Variants in CFAP43 observed in about 807,000 individuals in gnomAD.
CFAP43 encodes the protein cilia and flagella associated protein 43, also known as cilia- and flagella-associated protein 43.
CFAP43 carries 155 observed loss-of-function variants against 218.9 expected under a neutral mutation model. The ratio of observed to expected loss-of-function variants is 0.71; its 90% confidence interval spans 0.62 to 0.81. The LOEUF is 0.81. CFAP43 is among the 30% of genes least tolerant of loss of function. CFAP43 has a pLI of 0.00. For synonymous variants in CFAP43, 645 were observed against 681.3 expected, an observed-to-expected ratio of 0.95 and a Z score of 0.83; for missense variants, 1,778 against 1,954.3, an observed-to-expected ratio of 0.91 and a Z score of 1.70.
chr10:104,136,761 A>G (rs186925885), intron 34 of CFAP43, among the ~76,000 whole-genome samples: 123 of 152,330 alleles, frequency 8.1e-4, no homozygotes, highest in Non-Finnish European at 1.4e-3. Flanking sequence ...CAGAACATAT[A>G]AAAAACTCCT....
At chr10:104,167,501 T>A (rs943011777) in intron 22 of CFAP43, 120 bp downstream of exon 22, 13 of 641,574 alleles carry the variant, frequency 2.0e-5, no homozygotes, top group Middle Eastern at 4.4e-4. Flanking sequence ...TAACAAGAAA[T>A]AAAAATATAA....
intron 29 of CFAP43, 49 bp downstream of exon 29, chr10:104,147,842 C>A (rs112588117): frequency 1.5e-6 from 2 of 1,315,510 alleles, no homozygotes; most frequent in Admixed American, 2.1e-5. Context: ...AAATGAGGGG[C>A]ATGTCTATCA....
At chr10:104,186,144 C>T (rs764162777) in intron 14 of CFAP43, 21 bp from the exon 15 acceptor site, 2 of 1,462,712 alleles carry the variant, frequency 1.4e-6, no homozygotes, top group South Asian at 1.6e-5. Flanking sequence ...AAGAAAATAA[C>T]CACATTATAG....
In CFAP43 at chr10:104,180,393, G is replaced by A. The variant is rs2089788651; in HGVS notation, c.2290-461C>T. 5.3e-5 allele frequency among the ~76,000 whole-genome samples: 8 copies of A among 151,316 alleles called. No individual in the cohort carries two copies. The South Asian group carries it at 1.5e-3, about 28-fold the overall frequency. On this transcript the variant is annotated intron_variant, in intron 17 of 37. Coordinates refer to ENST00000357060, the MANE Select transcript of CFAP43 (RefSeq NM_025145.7). Reference sequence around the variant, plus strand: ...CATGCTCTACTATCTCCTGTCTTAGGAAAACTACTCTCACTTGACCATCAC... The same window carrying A: ...CATGCTCTACTATCTCCTGTCTTAGAAAAACTACTCTCACTTGACCATCAC...
chr10:104,221,633 G>A (rs2091184474), intron 3 of CFAP43, among the ~76,000 whole-genome samples: 1 of 152,184 alleles, frequency 6.6e-6, no homozygotes, highest in Non-Finnish European at 1.5e-5. Flanking sequence ...CAGTCTATGG[G>A]ATTTTGTGAC....
In CFAP43 at chr10:104,232,308, A is replaced by C; in HGVS notation, c.-62T>G. On this transcript the variant is annotated 5_prime_UTR_variant, in exon 1 of 38. Coordinates refer to ENST00000357060, the MANE Select transcript of CFAP43 (RefSeq NM_025145.7). ...CGCAGCACCCCAGGGCGGGTCGGTT[A>C]CCTTTCCGCCGCCGCGGGGCTGCGG... is the stretch of plus-strand genomic sequence containing the variant. The C allele has an allele frequency of 6.8e-7, 1 of 1,465,104 alleles. No homozygotes were observed. The highest frequency in any genetic ancestry group is 2.5e-5 in the East Asian group (1 of 39,642). The allele number at this position is 1,465,104 out of a possible 1,614,324, so 90.8% of individuals were successfully genotyped here. A position where few individuals can be genotyped will look rare whatever the true frequency, so the allele number is the denominator to read the frequency against.
At chr10:104,187,524 T>G in intron 13 of CFAP43, 32 bp from the exon 14 acceptor site, 1 of 1,476,970 alleles carries the variant, frequency 6.8e-7, no homozygotes, top group Non-Finnish European at 9.0e-7. Flanking sequence ...GAGAAATCAC[T>G]TGTACCATAA....
intron 35 of CFAP43, chr10:104,132,887 C>T (rs1455940834): frequency 1.3e-6 from 1 of 761,410 alleles, no homozygotes; most frequent in Non-Finnish European, 1.6e-6. Flanking sequence ...AAAATGATCA[C>T]ATAGATATGA....
chr10:104,226,005 C>G (rs1345618048), intron 2 of CFAP43, among the ~76,000 whole-genome samples: 1 of 152,196 alleles, frequency 6.6e-6, no homozygotes, highest in Non-Finnish European at 1.5e-5. Flanking sequence ...TAATATCTGC[C>G]AGCTTTTGGA....
Position 104,168,972 on chromosome 10 carries a change from C to T in CFAP43, c.2587-124G>A, listed in dbSNP as rs2089295251. ...CTTCAGTGGTAGAGTTTGTCTTTCT[C>T]CAACACTTTGAGCCACCTTGCACTG... is the stretch of plus-strand genomic sequence containing the variant. On this transcript the variant is annotated intron_variant, in intron 20 of 37. Transcript: ENST00000357060. 4.0e-6 allele frequency: 3 copies of T among 754,926 alleles called. No individual in the cohort carries two copies. The African/African-American group carries it at 5.2e-5, about 13-fold the overall frequency. The allele number at this position is 754,926 out of a possible 1,614,324, so 46.8% of individuals were successfully genotyped here.
At position 104,131,461 on chromosome 10, in the gene CFAP43, G is replaced by A; in HGVS notation, c.4701C>T (p.Asn1567=). ...CAAGTTTTTTGAGTAGTTTCTTGCA[G>A]TTTTCCACATTCTTTTTGTGCATCT... The part of the protein sequence containing the change: ...LDKMHKKNVE[N]CKKLLKKLGK... Residue 1567 remains asparagine (N), a synonymous_variant, in exon 37 of 38, where the codon AAC becomes AAT. Coordinates refer to ENST00000357060, the MANE Select transcript of CFAP43 (RefSeq NM_025145.7). 6.2e-7 allele frequency: 1 copy of A among 1,610,930 alleles called. No individual in the cohort carries two copies. The highest frequency in any genetic ancestry group is 8.5e-7 in the Non-Finnish European group (1 of 1,179,266).
chr10:104,163,946 G>T, intron 24 of CFAP43, 148 bp downstream of exon 24: 1 of 725,000 alleles, frequency 1.4e-6, no homozygotes, highest in Non-Finnish European at 2.2e-6. Context: ...TCTCATCATT[G>T]CTGAGGCTAC....
chr10:104,135,874 A>C (rs1169569130), intron 34 of CFAP43, among the ~76,000 whole-genome samples: 4 of 152,160 alleles, frequency 2.6e-5, no homozygotes, highest in African/African-American at 7.2e-5. Context: ...ATTCATATGA[A>C]GCTGCAAAGG....
chr10:104,146,225 C>T, intron 30 of CFAP43, 38 bp downstream of exon 30: 1 of 1,535,304 alleles, frequency 6.5e-7, no homozygotes, highest in Non-Finnish European at 9.0e-7. Flanking sequence ...AGCAACAACT[C>T]TACTGCATTG....
chr10:104,218,347 CAAAAAAA>C (rs68078522), intron 3 of CFAP43, among the ~76,000 whole-genome samples: 5 of 98,708 alleles, frequency 5.1e-5, no homozygotes, highest in East Asian at 3.8e-4. Context: ...GACTGTGTCT[CAAAAAAA>C]AAAAAAAAAA....
chr10:104,166,411 G>C (rs573750309), intron 23 of CFAP43, 77 bp downstream of exon 23: 6 of 1,017,578 alleles, frequency 5.9e-6, no homozygotes, highest in Non-Finnish European at 8.6e-6. Flanking sequence ...ATTGGCATTT[G>C]TTTTCAATGT....
intron 32 of CFAP43, 57 bp from the exon 33 acceptor site, chr10:104,142,450 C>G: frequency 1.5e-6 from 2 of 1,322,736 alleles, no homozygotes; most frequent in Non-Finnish European, 2.1e-6. Context: ...TTTTAGACAA[C>G]ATACATCTTT....
chr10:104,209,616 C>T (rs1009945062), intron 5 of CFAP43, among the ~76,000 whole-genome samples: 2 of 152,134 alleles, frequency 1.3e-5, no homozygotes, highest in African/African-American at 4.8e-5. Flanking sequence ...ATGCAGAGTT[C>T]GTTATGTTTG....
rs900143573 is a variant in CFAP43, at chr10:104,129,938, T to C, written c.*201A>G. 4.0e-6 allele frequency: 2 copies of C among 497,322 alleles called. No homozygotes were observed. The highest frequency in any genetic ancestry group is 8.5e-5 in the Admixed American group (2 of 23,398). The allele number at this position is 497,322 out of a possible 1,614,324, so 30.8% of individuals were successfully genotyped here. The stretch of plus-strand genomic sequence containing the variant: ...ATTCTTGAATAAAAACAGCAATTCA[T>C]GGTATTTTACACATTTATTCATGCA... On this transcript the variant is annotated 3_prime_UTR_variant, in exon 38 of 38. Coordinates refer to ENST00000357060, the MANE Select transcript of CFAP43 (RefSeq NM_025145.7).
Sources: gnomAD v4.1 joint callset for allele counts (sites outside exome capture counted in the v4.1 genomes callset) on GRCh38, gnomAD v4.1.1 for gene constraint, MANE v1.5 for transcripts, NCBI Gene and HGNC (gene_info 2026-07-23, HGNC 2026-07-21) for gene names.